The following DENR variants were observed in gnomAD, a reference collection of about 807,000 sequenced individuals.
DENR encodes the protein density regulated re-initiation and release factor, also known as density-regulated protein.
In DENR, 6 loss-of-function variants were observed where a neutral mutation model predicts 30.6. The observed-to-expected ratio is 0.20, with a 90% CI of 0.11 to 0.39. The LOEUF is 0.39. DENR is among the 10% of genes least tolerant of loss of function. DENR has a pLI of 1.00. For synonymous variants in DENR, 78 were observed against 72.1 expected, an observed-to-expected ratio of 1.08 and a Z score of -0.41; for missense variants, 141 against 230.9, an observed-to-expected ratio of 0.61 and a Z score of 2.52.
At position 122,754,638 on chromosome 12, in the gene DENR, A is replaced by C. The variant is rs894118947; in HGVS notation, c.106+831A>C. ...ATTCTGTGACTGCAGTAGAGACCAC[A>C]TCTGACATTTAAGTACCGTAGAAGG... On this transcript the variant is annotated intron_variant, in intron 2 of 7. Coordinates refer to ENST00000280557, the MANE Select transcript of DENR (RefSeq NM_003677.5). Among the ~76,000 whole-genome samples, 3 of 152,204 alleles carry C rather than the reference A, an allele frequency of 2.0e-5. No individual in the cohort carries two copies. The East Asian group carries it at 5.8e-4, about 29-fold the overall frequency.
rs1307584491 is a variant in DENR at position 122,769,227 on chromosome 12, CATGTGTGTATGTATACATGTATAT to C, written c.*152_*175del. On this transcript the variant is annotated 3_prime_UTR_variant, in exon 8 of 8. Transcript: ENST00000280557. ...ATACACATATACACATGTATATATACATGTGTGTATGTATACATGTATATATATATACATACACATATATGTATA... is the reference window on the plus strand; with the variant it reads ...ATACACATATACACATGTATATATACATATATACATACACATATATGTATA... 5.2e-3 allele frequency: 4,231 copies of C among 814,814 alleles called. 381 individuals carry two copies. In the East Asian group the frequency reaches 0.19, roughly 36 times the overall value. 50.5% of individuals were successfully genotyped at this position (814,814 alleles called of 1,614,324 possible).
intron 2 of DENR, among the ~76,000 whole-genome samples, chr12:122,755,465 G>A (rs917115780): frequency 6.6e-6 from 1 of 152,122 alleles, no homozygotes; most frequent in African/African-American, 2.4e-5. Context: ...TGTAATCCCA[G>A]CTACTTGGGA....
At chr12:122,760,164 G>A (rs972222736) in intron 2 of DENR, among the ~76,000 whole-genome samples, 4 of 152,146 alleles carry the variant, frequency 2.6e-5, no homozygotes, top group Non-Finnish European at 5.9e-5. Flanking sequence ...TAGCATGAGC[G>A]TCAGAAACAG....
intron 1 of DENR, among the ~76,000 whole-genome samples, chr12:122,753,370 A>C (rs974624194): frequency 1.3e-5 from 2 of 151,288 alleles, no homozygotes; most frequent in African/African-American, 4.9e-5. Context: ...CTCCCAGATC[A>C]CCCTCAGACC....
At chr12:122,759,391 G>C (rs1878636775) in intron 2 of DENR, among the ~76,000 whole-genome samples, 1 of 152,144 alleles carries the variant, frequency 6.6e-6, no homozygotes, top group Non-Finnish European at 1.5e-5. Flanking sequence ...ACTTAAAGGA[G>C]CTCCCCCAAT....
intron 2 of DENR, among the ~76,000 whole-genome samples, chr12:122,758,376 A>T (rs750097485): frequency 2.6e-5 from 4 of 151,916 alleles, no homozygotes; most frequent in Non-Finnish European, 5.9e-5. Context: ...GGCCATTCTG[A>T]TGTGTTCTTA....
intron 2 of DENR, among the ~76,000 whole-genome samples, chr12:122,755,169 C>T (rs7297797): frequency 0.063 from 9,623 of 152,214 alleles, 1,055 homozygotes; most frequent in African/African-American, 0.22. Context: ...GTACCTGGAA[C>T]GAGGTGAACT....
At chr12:122,756,399 A>G (rs986850842) in intron 2 of DENR, among the ~76,000 whole-genome samples, 2 of 152,234 alleles carry the variant, frequency 1.3e-5, no homozygotes, top group African/African-American at 4.8e-5. Flanking sequence ...CAGTGAGCCA[A>G]GATCGTGCCA....
chr12:122,761,553 T>A (rs754372093), intron 2 of DENR, among the ~76,000 whole-genome samples: 24 of 151,592 alleles, frequency 1.6e-4, no homozygotes, highest in Non-Finnish European at 2.7e-4. Flanking sequence ...GGAACAGTGC[T>A]TCACGCCTGT....
At chr12:122,756,540 G>A (rs1878555185) in intron 2 of DENR, among the ~76,000 whole-genome samples, 1 of 152,192 alleles carries the variant, frequency 6.6e-6, no homozygotes, top group South Asian at 2.1e-4. Context: ...ATTAGGGGAA[G>A]ACTTCATAGA....
chr12:122,767,666 ATC>A (rs1435566161), intron 6 of DENR, 62 bp downstream of exon 6: 3 of 954,312 alleles, frequency 3.1e-6, no homozygotes, highest in South Asian at 1.9e-5. Context: ...GTCTCCCTCT[ATC>A]TCTCTGTCTC....
intron 4 of DENR, among the ~76,000 whole-genome samples, chr12:122,763,929 G>A (rs1878775338): frequency 6.6e-6 from 1 of 152,130 alleles, no homozygotes; most frequent in Non-Finnish European, 1.5e-5. Flanking sequence ...TTGGTGGGAA[G>A]GAATTTGAAA....
intron 2 of DENR, among the ~76,000 whole-genome samples, chr12:122,754,680 T>C (rs1460262662): frequency 6.6e-6 from 1 of 152,194 alleles, no homozygotes; most frequent in Non-Finnish European, 1.5e-5. Flanking sequence ...GATATCTTTT[T>C]GCCATTAAAA....
At chr12:122,757,109 G>C (rs1387179933) in intron 2 of DENR, among the ~76,000 whole-genome samples, 1 of 152,134 alleles carries the variant, frequency 6.6e-6, no homozygotes. Flanking sequence ...ATACCCAACT[G>C]ATTAAAGAGA....
chr12:122,767,440 T>C (rs772972152), intron 5 of DENR, 48 bp from the exon 6 acceptor site: 2 of 1,204,408 alleles, frequency 1.7e-6, no homozygotes, highest in South Asian at 3.0e-5. Context: ...GACAGTATTC[T>C]CTTATGTCAA....
At chr12:122,766,466 C>T (rs187543665) in intron 5 of DENR, among the ~76,000 whole-genome samples, 293 of 152,284 alleles carry the variant, frequency 1.9e-3, no homozygotes, top group Non-Finnish European at 2.3e-3. Context: ...TATCACATCC[C>T]TAACTTCTGC....
chr12:122,754,209 T>G (rs573176859), intron 2 of DENR: 9 of 239,322 alleles, frequency 3.8e-5, no homozygotes, highest in Admixed American at 9.8e-5. Context: ...TTGATGGCTG[T>G]CTGTGAAGAA....
intron 3 of DENR, 41 bp downstream of exon 3, chr12:122,762,247 G>T: frequency 7.8e-7 from 1 of 1,287,978 alleles, no homozygotes; most frequent in Non-Finnish European, 1.1e-6. Context: ...TGTATTTGAA[G>T]TTATTCTTGG....
chr12:122,762,732 G>A, intron 3 of DENR, 113 bp from the exon 4 acceptor site: 1 of 699,464 alleles, frequency 1.4e-6, no homozygotes, highest in South Asian at 1.7e-5. Context: ...AGTCAGATGG[G>A]AGTGGTTTGT....
Sources: gnomAD v4.1 joint callset for allele counts (sites outside exome capture counted in the v4.1 genomes callset) on GRCh38, gnomAD v4.1.1 for gene constraint, MANE v1.5 for transcripts, NCBI Gene and HGNC (gene_info 2026-07-23, HGNC 2026-07-21) for gene names.